The following NAP1L1 variants were observed in gnomAD, a reference collection of about 807,000 sequenced individuals.
NAP1L1 encodes the protein nucleosome assembly protein 1 like 1, also known as nucleosome assembly protein 1-like 1.
Under a neutral mutation model 58.9 loss-of-function variants are expected in NAP1L1, and 9 were observed. The ratio of observed to expected loss-of-function variants is 0.15; its 90% CI spans 0.09 to 0.27. NAP1L1 has a LOEUF of 0.27. Among genes scored for constraint, NAP1L1 ranks in the 10% least tolerant of loss-of-function variants. NAP1L1 has a pLI of 1.00. For synonymous variants in NAP1L1, 130 were observed against 138.3 expected, an observed-to-expected ratio of 0.94 and a Z score of 0.42; for missense variants, 302 against 458.8, an observed-to-expected ratio of 0.66 and a Z score of 3.12.
chr12:76,074,189 T>C lies in NAP1L1; in HGVS notation c.17+14A>G. 1 of 1,591,762 alleles carries C rather than the reference T, an allele frequency of 6.3e-7. No individual in the cohort carries two copies. Among genetic ancestry groups the C allele is most frequent in the South Asian group, 1.1e-5 (1 of 89,568 alleles). On this transcript the variant is annotated intron_variant, in intron 2 of 14. Transcript: ENST00000618691. The stretch of plus-strand genomic sequence containing the variant: ...GCCAAATCTCTGAAAAAGAACCAAC[T>C]CTCTGCCACTTACTTGTCAATGTCT...
chr12:76,081,186 A>G (rs1237716242), intron 1 of NAP1L1, among the ~76,000 whole-genome samples: 2 of 152,198 alleles, frequency 1.3e-5, no homozygotes, highest in African/African-American at 4.8e-5. Flanking sequence ...TTCTTTCAAA[A>G]CCAGGATAAA....
At position 76,042,097 on chromosome 12, in the gene NAP1L1, A is replaced by G. The variant is rs1482766431; in HGVS notation, c.*6332T>C. The G allele has an allele frequency of 2.0e-5, 3 of 152,120 alleles. No homozygotes were observed. Among genetic ancestry groups the G allele is most frequent in the African/African-American group, 7.2e-5 (3 of 41,434 alleles). The allele number at this position is 152,120 out of a possible 1,614,324, so 9.4% of individuals were successfully genotyped here. On this transcript the variant is annotated 3_prime_UTR_variant, in exon 15 of 15. Transcript: ENST00000618691. ...ACACATAAAATCTTCAAAACGAGGC[A>G]TATGTTTAATTTTATTATCCAGTCT...
rs761595514 is a variant in NAP1L1 at position 76,067,402 on chromosome 12, G to A, written c.175C>T (p.Leu59=). The A allele has an allele frequency of 6.2e-7, 1 of 1,609,086 alleles. No homozygotes were observed. The change falls in exon 4 of 15, where the codon CTG becomes TTG. Residue 59 remains leucine, a synonymous_variant. Transcript: ENST00000618691. ...ATGTATCCTGTTGGTGTTTCTACCA[G>A]ACCATCAAGTCTTTCTTGAAGGGCT... ...LAALQERLDG[L]VETPTGYIES... is the part of the protein sequence containing the mutation.
chr12:76,063,901 A>G (rs1949535485), intron 4 of NAP1L1, among the ~76,000 whole-genome samples: 2 of 141,658 alleles, frequency 1.4e-5, no homozygotes, highest in Admixed American at 7.0e-5. Flanking sequence ...AAAAAAAAAA[A>G]AGAGGCTGGG....
In NAP1L1 at chr12:76,067,492, A is replaced by G. The variant is rs1039167679; in HGVS notation, c.104-19T>C. ...TGACGTGCTTTAAAAAAAAAAGGGC[A>G]TCGAAAGAAGGATTTTATGAAAATG... On this transcript the variant is annotated intron_variant, in intron 3 of 14. Transcript: ENST00000618691. 1 of 1,545,976 alleles carries G rather than the reference A, an allele frequency of 6.5e-7. No homozygotes were observed. Among genetic ancestry groups the G allele is most frequent in the African/African-American group, 1.4e-5 (1 of 73,314 alleles).
At chr12:76,056,292 C>G in intron 6 of NAP1L1, 131 bp from the exon 7 acceptor site, 1 of 881,226 alleles carries the variant, frequency 1.1e-6, no homozygotes, top group Non-Finnish European at 1.7e-6. Flanking sequence ...TGTGTAAACA[C>G]CGCCGTTGCC....
chr12:76,059,117 A>T (rs1949284881), intron 6 of NAP1L1, among the ~76,000 whole-genome samples: 1 of 152,264 alleles, frequency 6.6e-6, no homozygotes. Flanking sequence ...ATGATTTATA[A>T]TAAAAAATTG....
intron 1 of NAP1L1, among the ~76,000 whole-genome samples, chr12:76,083,473 C>CAAA (rs34033928): frequency 2.0e-3 from 171 of 87,206 alleles, no homozygotes; most frequent in Middle Eastern, 8.9e-3. Flanking sequence ...CTTTTTTTTC[C>CAAA]AAAAAAAAAA....
intron 2 of NAP1L1, chr12:76,073,967 A>G: frequency 5.1e-6 from 2 of 393,058 alleles, no homozygotes. Context: ...ATTTTCTTAA[A>G]AATAGTGACA....
At chr12:76,072,887 C>T (rs1000306579) in intron 2 of NAP1L1, among the ~76,000 whole-genome samples, 2 of 152,058 alleles carry the variant, frequency 1.3e-5, no homozygotes, top group Middle Eastern at 3.2e-3. Flanking sequence ...AATAATTTAG[C>T]TCCCTTGTAC....
Position 76,056,132 on chromosome 12 carries a change from T to C in NAP1L1, c.459A>G (p.Glu153=). Residue 153 remains glutamate, a synonymous_variant, in exon 7 of 15, where the codon GAA becomes GAG. Coordinates refer to ENST00000618691, the MANE Select transcript of NAP1L1 (RefSeq NM_004537.7). The part of the protein sequence containing the change: ...SEELKEKAKI[E]DEKKDEEKED... ...CTTTTTCTTCATCTTTTTTCTCATC[T>C]TCAATCTTGGCCTTTTCTTTCAATT... 1 of 1,612,722 alleles carries C rather than the reference T, an allele frequency of 6.2e-7. No individual in the cohort carries two copies. The highest frequency in any genetic ancestry group is 2.2e-5 in the East Asian group (1 of 44,756).
chr12:76,072,942 T>C (rs1950025497), intron 2 of NAP1L1, among the ~76,000 whole-genome samples: 1 of 151,956 alleles, frequency 6.6e-6, no homozygotes, highest in Admixed American at 6.6e-5. Context: ...ATGTGAGATA[T>C]GGCAAACAAC....
At chr12:76,080,691 GCA>G (rs1950369221) in intron 1 of NAP1L1, among the ~76,000 whole-genome samples, 1 of 152,172 alleles carries the variant, frequency 6.6e-6, no homozygotes, top group South Asian at 2.1e-4. Flanking sequence ...TTTCCCTAGA[GCA>G]CAGTGGGATA....
chr12:76,067,652 A>T, intron 3 of NAP1L1, 179 bp from the exon 4 acceptor site: 1 of 491,786 alleles, frequency 2.0e-6, no homozygotes. Context: ...CCCAATGTTC[A>T]GGAATAATTC....
intron 13 of NAP1L1, 47 bp from the exon 14 acceptor site, chr12:76,049,297 TA>T: frequency 6.2e-7 from 1 of 1,612,112 alleles, no homozygotes; most frequent in Middle Eastern, 1.7e-4. Flanking sequence ...ACATAGTAGG[TA>T]AACTGGCTCA....
rs566612438 is a variant in NAP1L1 at position 76,044,040 on chromosome 12, TTTTGAGAGGCCAGCAC to T, written c.*4373_*4388del. 51 of 152,280 alleles carry T rather than the reference TTTTGAGAGGCCAGCAC, an allele frequency of 3.3e-4. No homozygotes were observed. The highest frequency in any genetic ancestry group is 1.2e-3 in the African/African-American group (48 of 41,548). The allele number at this position is 152,280 out of a possible 1,614,324, so 9.4% of individuals were successfully genotyped here. A position where few individuals can be genotyped will look rare whatever the true frequency, so the allele number is the denominator to read the frequency against. Reference sequence around the variant, plus strand: ...TGGCTCATGCTTGTAATCCCAGCACTTTTGAGAGGCCAGCACTTTGAGAGGCTGAGGTGGGAGGATC... The same window carrying T: ...TGGCTCATGCTTGTAATCCCAGCACTTTTGAGAGGCTGAGGTGGGAGGATC... On this transcript the variant is annotated 3_prime_UTR_variant, in exon 15 of 15. Transcript: ENST00000618691.
At chr12:76,084,346 G>C (rs1950529974) in intron 1 of NAP1L1, among the ~76,000 whole-genome samples, 1 of 152,062 alleles carries the variant, frequency 6.6e-6, no homozygotes, top group African/African-American at 2.4e-5. Flanking sequence ...CGCCTCAGCC[G>C]TCCCCGATAA....
intron 11 of NAP1L1, among the ~76,000 whole-genome samples, 187 bp from the exon 12 acceptor site, chr12:76,050,840 G>A (rs756999868): frequency 1.1e-4 from 17 of 151,776 alleles, no homozygotes; most frequent in Admixed American, 4.6e-4. Context: ...ATAGTGAGAC[G>A]CCCCCTGCGT....
chr12:76,056,243 C>A, intron 6 of NAP1L1, 82 bp from the exon 7 acceptor site: 1 of 1,365,310 alleles, frequency 7.3e-7, no homozygotes, highest in Non-Finnish European at 9.9e-7. Context: ...AACCAAAAAG[C>A]ACAGTCACCA....
Sources: gnomAD v4.1 joint callset for allele counts (sites outside exome capture counted in the v4.1 genomes callset) on GRCh38, gnomAD v4.1.1 for gene constraint, MANE v1.5 for transcripts, NCBI Gene and HGNC (gene_info 2026-07-23, HGNC 2026-07-21) for gene names.